Variants in STPG2 observed in about 807,000 individuals in gnomAD.
The protein encoded by STPG2 is sperm-tail PG-rich repeat-containing protein 2.
A neutral mutation model predicts 54.2 loss-of-function variants in STPG2; 56 were observed. The observed-to-expected ratio is 1.03, with a 90% confidence interval of 0.83 to 1.29. The LOEUF (loss-of-function observed/expected upper bound fraction) is 1.29, where lower values mean the gene tolerates loss of function less well. Among genes scored for constraint, STPG2 ranks in the 50% most tolerant of loss-of-function variants. STPG2 has a pLI of 0.00. For missense variants in STPG2, 596 were observed against 544.9 expected (o/e 1.09, Z -0.93); for synonymous variants, 200 against 181.8 (o/e 1.10, Z -0.81).
intron 10 of STPG2, among the ~76,000 whole-genome samples, chr4:97,608,820 T>A (rs1733658275): frequency 6.6e-6 from 1 of 152,072 alleles, no homozygotes; most frequent in African/African-American, 2.4e-5. Context: ...AAATGTATTT[T>A]TTAAATATGT....
At chr4:97,555,647 C>A (rs927287537), downstream of STPG2, among the ~76,000 whole-genome samples, 2 of 152,028 alleles carry the variant, frequency 1.3e-5, no homozygotes, top group Admixed American at 1.3e-4. Flanking sequence ...AGTAAGGGGA[C>A]ATAATAATTC....
chr4:97,649,851 G>A (rs938787708), intron 10 of STPG2, among the ~76,000 whole-genome samples: 7 of 152,050 alleles, frequency 4.6e-5, no homozygotes, highest in South Asian at 2.1e-4. Context: ...AGGATGATTC[G>A]AGCACATTAC....
At chr4:97,740,541 A>C (rs2149036017) in intron 9 of STPG2, among the ~76,000 whole-genome samples, 1 of 152,252 alleles carries the variant, frequency 6.6e-6, no homozygotes, top group African/African-American at 2.4e-5. Context: ...AATGTACAAA[A>C]ATCACAAGCA....
intron 5 of STPG2, among the ~76,000 whole-genome samples, chr4:98,068,727 C>T (rs567203160): frequency 7.9e-5 from 12 of 151,912 alleles, no homozygotes; most frequent in Non-Finnish European, 1.5e-4. Context: ...GAGGTGATTT[C>T]ATCATTGTGC....
chr4:97,978,954 G>A (rs1734581117), intron 6 of STPG2, among the ~76,000 whole-genome samples: 1 of 152,048 alleles, frequency 6.6e-6, no homozygotes, highest in African/African-American at 2.4e-5. Context: ...TTAGACAATG[G>A]TGCCCTAACA....
chr4:97,782,750 G>C (rs1282776559), intron 9 of STPG2, among the ~76,000 whole-genome samples: 1 of 152,164 alleles, frequency 6.6e-6, no homozygotes, highest in Non-Finnish European at 1.5e-5. Context: ...CAATGGAACA[G>C]AAGAGAGCCA....
intron 10 of STPG2, among the ~76,000 whole-genome samples, chr4:97,570,465 C>T (rs572768596): frequency 6.6e-6 from 1 of 152,146 alleles, no homozygotes; most frequent in South Asian, 2.1e-4. Context: ...TGCCCGTCCT[C>T]AATTTGCCTA....
At chr4:97,744,815 A>G (rs1000196680) in intron 9 of STPG2, among the ~76,000 whole-genome samples, 3 of 151,440 alleles carry the variant, frequency 2.0e-5, no homozygotes, top group Non-Finnish European at 3.0e-5. Context: ...GCTGTTGGCC[A>G]CAAGTAACGG....
rs565551004 is a variant in STPG2, at chr4:98,034,680, G to A, written c.613-53362C>T. Among the ~76,000 whole-genome samples the A allele has an allele frequency of 5.3e-5, 8 of 152,178 alleles. No homozygotes were observed. In the East Asian group the frequency reaches 9.7e-4, roughly 18 times the overall value. ...AAAAGAACAAAGCTGGAGGCATCAC[G>A]CTACCTGACTTTAAACTATACTACA... On this transcript the variant is annotated intron_variant, in intron 5 of 10. Transcript: ENST00000295268.
chr4:97,630,834 T>C (rs1721250940), intron 10 of STPG2, among the ~76,000 whole-genome samples: 2 of 151,828 alleles, frequency 1.3e-5, no homozygotes, highest in Non-Finnish European at 3.0e-5. Flanking sequence ...AATAATATTA[T>C]GTAATAACTG....
chr4:97,997,618 C>T (rs1018343542), intron 5 of STPG2, among the ~76,000 whole-genome samples: 2 of 152,096 alleles, frequency 1.3e-5, no homozygotes, highest in African/African-American at 4.8e-5. Flanking sequence ...CATATCGAAA[C>T]TATGTCACTG....
intron 9 of STPG2, among the ~76,000 whole-genome samples, chr4:97,717,157 T>G (rs1164516284): frequency 6.6e-6 from 1 of 152,118 alleles, no homozygotes; most frequent in Non-Finnish European, 1.5e-5. Context: ...AACTGCACAG[T>G]CTATTAAATT....
rs751434082 is a variant in STPG2 at position 97,596,111 on chromosome 4, G to T, written c.1321-36994C>A. Among the ~76,000 whole-genome samples, 206 of 152,170 alleles carry T rather than the reference G, an allele frequency of 1.4e-3. 1 individual carries two copies. Among genetic ancestry groups the T allele is most frequent in the Non-Finnish European group, 1.8e-3 (119 of 67,990 alleles). Reference sequence around the variant, plus strand: ...AACAGAAAACAGAAAAAAATCAGGGGTTGCTATTCTAATTTCAGATGAAAC... The same window carrying T: ...AACAGAAAACAGAAAAAAATCAGGGTTTGCTATTCTAATTTCAGATGAAAC... On this transcript the variant is annotated intron_variant, in intron 10 of 10. Coordinates refer to ENST00000295268, the MANE Select transcript of STPG2 (RefSeq NM_174952.3).
intron 7 of STPG2, among the ~76,000 whole-genome samples, chr4:97,945,169 C>T (rs151309845): frequency 4.5e-4 from 69 of 152,142 alleles, no homozygotes; most frequent in Non-Finnish European, 7.4e-4. Flanking sequence ...ACGTAGTGTA[C>T]ATTGTACCCA....
chr4:97,944,240 T>G (rs546678202), intron 7 of STPG2, among the ~76,000 whole-genome samples: 1 of 152,122 alleles, frequency 6.6e-6, no homozygotes, highest in African/African-American at 2.4e-5. Context: ...GTAAGTATAA[T>G]GGATCTGCAC....
intron 10 of STPG2, among the ~76,000 whole-genome samples, chr4:97,648,711 T>A (rs1281041437): frequency 6.6e-6 from 1 of 152,170 alleles, no homozygotes; most frequent in African/African-American, 2.4e-5. Context: ...GGTAATAATG[T>A]CTTCCTTATA....
At chr4:97,929,400 G>A (rs1462490496) in intron 8 of STPG2, among the ~76,000 whole-genome samples, 1 of 152,148 alleles carries the variant, frequency 6.6e-6, no homozygotes, top group Non-Finnish European at 1.5e-5. Context: ...CCAGTAATAA[G>A]ATTGCTGGGT....
chr4:97,828,740 A>G (rs1287730888), intron 9 of STPG2, among the ~76,000 whole-genome samples: 2 of 152,154 alleles, frequency 1.3e-5, no homozygotes, highest in African/African-American at 4.8e-5. Context: ...AGGCTTAAGT[A>G]GGCAGTTTTA....
intron 9 of STPG2, among the ~76,000 whole-genome samples, chr4:97,740,462 C>T (rs1017461545): frequency 1.3e-5 from 2 of 151,924 alleles, no homozygotes; most frequent in Admixed American, 1.3e-4. Flanking sequence ...TCTAGAAAAC[C>T]CCATTGTCTC....
Sources: allele counts gnomAD v4.1 joint callset (sites outside exome capture counted in the v4.1 genomes callset), GRCh38; gene constraint gnomAD v4.1.1; transcripts MANE v1.5; gene names NCBI Gene and HGNC (gene_info 2026-07-23, HGNC 2026-07-21).